Variants in PTGR2 observed in about 807,000 individuals in gnomAD.
PTGR2 encodes the protein prostaglandin reductase 2.
A neutral mutation model predicts 43.4 loss-of-function variants in PTGR2; 32 were observed. That is an observed-to-expected ratio of 0.74 (90% CI 0.56 to 0.99). The LOEUF is 0.99. Among genes scored for constraint, PTGR2 ranks in the 50% least tolerant of loss-of-function variants. The pLI, the probability that PTGR2 is intolerant of heterozygous loss-of-function variation, is 0.00. For missense variants in PTGR2, 373 were observed against 420.0 expected (o/e 0.89, Z 0.98); for synonymous variants, 106 against 139.2 (o/e 0.76, Z 1.68).
chr14:73,882,849 C>G (rs1319357167), intron 9 of PTGR2, among the ~76,000 whole-genome samples: 4 of 92,306 alleles, frequency 4.3e-5, no homozygotes, highest in Non-Finnish European at 7.8e-5. Context: ...GAGACGGAGT[C>G]TTGCTCTGTC....
At chr14:73,855,581 G>C (rs1262140421) in intron 1 of PTGR2, among the ~76,000 whole-genome samples, 1 of 151,664 alleles carries the variant, frequency 6.6e-6, no homozygotes, top group African/African-American at 2.4e-5. Flanking sequence ...GAGTAGCTGG[G>C]ATTACAGGCG....
intron 1 of PTGR2, among the ~76,000 whole-genome samples, chr14:73,853,397 A>C (rs1047481316): frequency 7.3e-5 from 11 of 151,170 alleles, no homozygotes; most frequent in African/African-American, 1.7e-4. Context: ...ATCTCGGCTC[A>C]CTGCAACCTC....
intron 1 of PTGR2, chr14:73,852,157 A>G (rs1298772780): frequency 2.0e-5 from 3 of 152,266 alleles, no homozygotes; most frequent in African/African-American, 4.8e-5. Context: ...GGGGAAAGCA[A>G]CCTGAGGTTT....
Position 73,874,003 on chromosome 14 carries a change from T to A in PTGR2, c.157-20T>A. On this transcript the variant is annotated intron_variant, in intron 3 of 9. Transcript: ENST00000555661. ...TTTGACATTATTGGATAAAATTATCTTAATGTTTTCTTTTTTCAGCGTTGT... is the reference window on the plus strand; with the variant it reads ...TTTGACATTATTGGATAAAATTATCATAATGTTTTCTTTTTTCAGCGTTGT... 1.3e-6 allele frequency: 2 copies of A among 1,551,776 alleles called. No individual in the cohort carries two copies. Among genetic ancestry groups the A allele is most frequent in the Non-Finnish European group, 8.7e-7 (1 of 1,149,678 alleles).
chr14:73,852,118 C>G (rs2054239984), intron 1 of PTGR2, 175 bp downstream of exon 1: 2 of 152,244 alleles, frequency 1.3e-5, no homozygotes, highest in African/African-American at 2.4e-5. Flanking sequence ...GAAACAGAAG[C>G]AGGTTTTGGG....
Position 73,879,023 on chromosome 14 carries a change from C to G in PTGR2, c.520-73C>G, listed in dbSNP as rs1035811821. On this transcript the variant is annotated intron_variant, in intron 5 of 9. Coordinates refer to ENST00000555661, the MANE Select transcript of PTGR2 (RefSeq NM_001146154.2). ...GAACACTGTCATATACCTGTAATAT[C>G]TTGTATACTGGTACATTTTTACATT... 6.5e-6 allele frequency: 8 copies of G among 1,232,900 alleles called. No individual in the cohort carries two copies. The African/African-American group carries it at 8.9e-5, about 14-fold the overall frequency. The allele number at this position is 1,232,900 out of a possible 1,614,324, so 76.4% of individuals were successfully genotyped here.
intron 3 of PTGR2, among the ~76,000 whole-genome samples, chr14:73,867,983 G>A (rs1028774738): frequency 1.3e-5 from 2 of 152,156 alleles, no homozygotes; most frequent in African/African-American, 4.8e-5. Flanking sequence ...CCTTGACATG[G>A]TCTAAGAAGC....
intron 1 of PTGR2, among the ~76,000 whole-genome samples, chr14:73,854,176 C>T (rs1009275027): frequency 1.3e-5 from 2 of 152,084 alleles, no homozygotes; most frequent in African/African-American, 4.8e-5. Flanking sequence ...AGTTTCGGCT[C>T]ACTGCAACCT....
intron 1 of PTGR2, among the ~76,000 whole-genome samples, chr14:73,853,523 G>A (rs987737692): frequency 6.6e-6 from 1 of 151,764 alleles, no homozygotes; most frequent in African/African-American, 2.4e-5. Flanking sequence ...GGGTTTCGCC[G>A]TTTTGTCGGA....
intron 3 of PTGR2, among the ~76,000 whole-genome samples, chr14:73,867,008 G>A (rs2140249936): frequency 6.9e-6 from 1 of 145,118 alleles, no homozygotes; most frequent in South Asian, 2.2e-4. Flanking sequence ...AGAATTGTTT[G>A]AACCCGGGAG....
rs951711350 is a variant in PTGR2 at position 73,877,331 on chromosome 14, C to G, written c.519+163C>G. 5 of 562,260 alleles carry G rather than the reference C, an allele frequency of 8.9e-6. No individual in the cohort carries two copies. In the African/African-American group the frequency reaches 9.4e-5, roughly 11 times the overall value. The allele number at this position is 562,260 out of a possible 1,614,324, so 34.8% of individuals were successfully genotyped here. A position where few individuals can be genotyped will look rare whatever the true frequency, so the allele number is the denominator to read the frequency against. On this transcript the variant is annotated intron_variant, in intron 5 of 9. Transcript: ENST00000555661. ...CCAGGCTGGAGTGCAGTGGCGCAAT[C>G]TTGGCTCACTGCAACCTCCGCCTCC... is the stretch of plus-strand genomic sequence containing the variant.
chr14:73,866,801 G>T (rs900294483), intron 3 of PTGR2, among the ~76,000 whole-genome samples: 1 of 151,974 alleles, frequency 6.6e-6, no homozygotes, highest in African/African-American at 2.4e-5. Flanking sequence ...AAATGTAGAA[G>T]AAGGTTGCTG....
rs2054707944 is a variant in PTGR2 at position 73,870,711 on chromosome 14, A to G, written c.157-3312A>G. Among the ~76,000 whole-genome samples, 4 of 151,494 alleles carry G rather than the reference A, an allele frequency of 2.6e-5. No individual in the cohort carries two copies. The South Asian group carries it at 8.4e-4, about 32-fold the overall frequency. ...TTACTGTGTTGGCCAGTCTGGTCTC[A>G]AAGTCCTGGCCTCAAGCGATCCTCC... On this transcript the variant is annotated intron_variant, in intron 3 of 9. Transcript: ENST00000555661.
At chr14:73,853,537 G>A (rs1470913978) in intron 1 of PTGR2, among the ~76,000 whole-genome samples, 5 of 151,972 alleles carry the variant, frequency 3.3e-5, no homozygotes, top group Admixed American at 6.6e-5. Context: ...TGTCGGAGCT[G>A]GTCTCAAACT....
Position 73,860,035 on chromosome 14 carries a change from A to G in PTGR2, c.38-504A>G, listed in dbSNP as rs140787999. The stretch of plus-strand genomic sequence containing the variant: ...GGCTAGTTTTTGTATTTTTGGTAGA[A>G]TCAAGGTTTCACCATGTTGGCCAGG... On this transcript the variant is annotated intron_variant, in intron 2 of 9. Coordinates refer to ENST00000555661, the MANE Select transcript of PTGR2 (RefSeq NM_001146154.2). Among the ~76,000 whole-genome samples, 194 of 151,860 alleles carry G rather than the reference A, an allele frequency of 1.3e-3. 2 individuals carry two copies. The highest frequency in any genetic ancestry group is 4.4e-3 in the African/African-American group (184 of 41,358).
At chr14:73,866,639 G>T (rs1243654971) in intron 3 of PTGR2, among the ~76,000 whole-genome samples, 1 of 152,156 alleles carries the variant, frequency 6.6e-6, no homozygotes, top group East Asian at 1.9e-4. Context: ...GCCATGGGAT[G>T]TCTAAATAGC....
chr14:73,851,985 A>G (rs977139827), intron 1 of PTGR2, 42 bp downstream of exon 1: 4 of 152,170 alleles, frequency 2.6e-5, no homozygotes, highest in Non-Finnish European at 5.9e-5. Flanking sequence ...TGGCTCCCGA[A>G]GCTGCTTCGG....
chr14:73,859,049 G>A (rs1349051371), intron 2 of PTGR2, 150 bp downstream of exon 2: 2 of 538,074 alleles, frequency 3.7e-6, no homozygotes, highest in Non-Finnish European at 3.1e-6. Flanking sequence ...TTTAAACGAT[G>A]TAATAATTTT....
intron 7 of PTGR2, among the ~76,000 whole-genome samples, chr14:73,880,606 A>C (rs891516104): frequency 6.6e-6 from 1 of 151,976 alleles, no homozygotes; most frequent in African/African-American, 2.4e-5. Flanking sequence ...AAAAACAAAA[A>C]AAAACCTTTA....
Sources: gnomAD v4.1 joint callset for allele counts (sites outside exome capture counted in the v4.1 genomes callset) on GRCh38, gnomAD v4.1.1 for gene constraint, MANE v1.5 for transcripts, NCBI Gene and HGNC (gene_info 2026-07-23, HGNC 2026-07-21) for gene names.